Variants in ZNF548 observed in about 807,000 individuals in gnomAD.
ZNF548 encodes zinc finger protein 548.
A neutral mutation model predicts 10.2 loss-of-function variants in ZNF548; 10 were observed. The observed-to-expected ratio is 0.98, with a 90% CI of 0.60 to 1.66. The LOEUF (loss-of-function observed/expected upper bound fraction) is 1.66. Ranked by LOEUF, ZNF548 falls within the 40% of genes most tolerant of loss-of-function variation. The probability of loss-of-function intolerance (pLI) is 0.00; values close to 1 mark genes in which losing one functional copy is unlikely to be tolerated. For synonymous variants in ZNF548, 217 were observed against 223.5 expected, an observed-to-expected ratio of 0.97 and a Z score of 0.26; for missense variants, 599 against 657.0, an observed-to-expected ratio of 0.91 and a Z score of 0.97.
Position 57,389,921 on chromosome 19 carries a change from A to G in ZNF548, c.-179A>G, listed in dbSNP as rs367647219. The G allele has an allele frequency of 2.2e-5, 15 of 695,330 alleles. No homozygotes were observed. The highest frequency in any genetic ancestry group is 6.9e-5 in the South Asian group (3 of 43,776). 43.1% of individuals were successfully genotyped at this position (695,330 alleles called of 1,614,324 possible). A position where few individuals can be genotyped will look rare whatever the true frequency, so the allele number is the denominator to read the frequency against. ...TGTGGTGTTTCACCAACTTCGGCCT[A>G]TGGCTCTGTCTGACGTCACCGAAGT... On this transcript the variant is annotated 5_prime_UTR_variant, in exon 1 of 4. An upstream start codon of the reference 5' UTR is lost. Transcript: ENST00000336128.
rs545762109 is a variant in ZNF548 at position 57,400,378 on chromosome 19, T to C, written c.*489T>C. On this transcript the variant is annotated 3_prime_UTR_variant, in exon 4 of 4. Transcript: ENST00000336128. ...CTATTCAAGATTCTACTTTCAATTC[T>C]TATAGGGTATATACTCAGAAATGGT... The C allele has an allele frequency of 8.2e-5, 13 of 157,874 alleles. No homozygotes were observed. In the South Asian group the frequency reaches 2.2e-3, roughly 27 times the overall value. 9.8% of individuals were successfully genotyped at this position (157,874 alleles called of 1,614,324 possible). A position where few individuals can be genotyped will look rare whatever the true frequency, so the allele number is the denominator to read the frequency against.
At chr19:57,390,145 G>T (rs1469425369) in intron 1 of ZNF548, 31 bp downstream of exon 1, 2 of 1,604,816 alleles carry the variant, frequency 1.2e-6, no homozygotes, top group East Asian at 4.5e-5. Context: ...TCCCCCGCCC[G>T]ACCGGTCCTC....
At position 57,400,455 on chromosome 19, in the gene ZNF548, CAG is replaced by C. The variant is rs1377449770; in HGVS notation, c.*569_*570del. On this transcript the variant is annotated 3_prime_UTR_variant, in exon 4 of 4. Coordinates refer to ENST00000336128, the MANE Select transcript of ZNF548 (RefSeq NM_001172773.2). ...TTTTTTTTTTTGTTTGTTTTTGAGA[CAG>C]AGTCTTGCTCTGTCACCCAGGCTGG... 6.6e-6 allele frequency: 1 copy of C among 152,196 alleles called. No homozygotes were observed. Among genetic ancestry groups the C allele is most frequent in the Non-Finnish European group, 1.5e-5 (1 of 68,484 alleles). 9.4% of individuals were successfully genotyped at this position (152,196 alleles called of 1,614,324 possible).
In ZNF548 at chr19:57,402,118, T is replaced by C. The variant is rs1314755356; in HGVS notation, c.*2229T>C. On this transcript the variant is annotated 3_prime_UTR_variant, in exon 4 of 4. Transcript: ENST00000336128. ...AAGGCAAAAGTCCACTTTATGTGGC[T>C]ATCCAGTTTTCCAAGCACCATTTTT... The C allele has an allele frequency of 1.3e-5, 2 of 152,244 alleles. No homozygotes were observed. Among genetic ancestry groups the C allele is most frequent in the Non-Finnish European group, 2.9e-5 (2 of 68,052 alleles). The allele number at this position is 152,244 out of a possible 1,614,324, so 9.4% of individuals were successfully genotyped here.
At position 57,399,115 on chromosome 19, in the gene ZNF548, TGGAGAA is replaced by T; in HGVS notation, c.865_870del (p.Gly289_Glu290del). ...TCATGAGACATAAGCGAGTTCACAC[TGGAGAA>T]AGGCCTTATGAGTGCAACACATGTG... On this transcript the variant is annotated inframe_deletion, in exon 4 of 4. Transcript: ENST00000336128. The surrounding 1 kb of genome is among the most constrained non-coding windows in gnomAD (Gnocchi z 4.0). 6.2e-7 allele frequency: 1 copy of T among 1,614,178 alleles called. No individual in the cohort carries two copies. Among genetic ancestry groups the T allele is most frequent in the Non-Finnish European group, 8.5e-7 (1 of 1,180,024 alleles).
At position 57,395,161 on chromosome 19, in the gene ZNF548, G is replaced by C. The variant is rs2088655989; in HGVS notation, c.51+938G>C. On this transcript the variant is annotated intron_variant, in intron 2 of 3. Transcript: ENST00000336128. The surrounding 1 kb of genome is among the most constrained non-coding windows in gnomAD (Gnocchi z 4.8). Reference sequence around the variant, plus strand: ...AGAATTGGAATGGGGCATGAGAACTGGGTCTCTTACTGGGTAGCTGTGCAG... The same window carrying C: ...AGAATTGGAATGGGGCATGAGAACTCGGTCTCTTACTGGGTAGCTGTGCAG... Among the ~76,000 whole-genome samples the C allele has an allele frequency of 6.6e-6, 1 of 151,916 alleles. No individual in the cohort carries two copies. Among genetic ancestry groups the C allele is most frequent in the Non-Finnish European group, 1.5e-5 (1 of 68,012 alleles).
At chr19:57,390,196 C>T (rs2088613098) in intron 1 of ZNF548, 82 bp downstream of exon 1, 2 of 1,506,122 alleles carry the variant, frequency 1.3e-6, no homozygotes, top group African/African-American at 1.4e-5. Flanking sequence ...CAGGTCAGGC[C>T]CCTTGTCCCG....
At chr19:57,397,772 C>T (rs920856118) in intron 3 of ZNF548, among the ~76,000 whole-genome samples, 34 of 152,098 alleles carry the variant, frequency 2.2e-4, no homozygotes, top group African/African-American at 7.5e-4. Flanking sequence ...GGGACATGGC[C>T]CTGGTGCCTG....
intron 1 of ZNF548, chr19:57,390,366 T>C: frequency 2.5e-6 from 1 of 406,188 alleles, no homozygotes; most frequent in Non-Finnish European, 4.4e-6. Context: ...AGAGAGGGTT[T>C]TGTGAATTCT....
At chr19:57,390,336 G>T in intron 1 of ZNF548, 1 of 433,758 alleles carries the variant, frequency 2.3e-6, no homozygotes, top group Non-Finnish European at 4.1e-6. Flanking sequence ...CGTCAGGGGT[G>T]TGTGTTGTTT....
rs997743933 is a variant in ZNF548, at chr19:57,399,343, C to G, written c.1092C>G (p.Leu364=). The part of the protein sequence containing the change: ...CGKFFRYIST[L]IRHQRIHTGE... ...AATTTTTTAGGTATATCTCCACACT[C>G]ATTAGACATCAGAGAATTCACACTG... Residue 364 remains leucine, a synonymous_variant, in exon 4 of 4, where the codon CTC becomes CTG. Transcript: ENST00000336128. The surrounding 1 kb of genome is among the most constrained non-coding windows in gnomAD (Gnocchi z 4.0). 3.7e-6 allele frequency: 6 copies of G among 1,614,074 alleles called. No individual in the cohort carries two copies. The highest frequency in any genetic ancestry group is 5.1e-6 in the Non-Finnish European group (6 of 1,179,974).
At chr19:57,398,286 GACCC>G in intron 3 of ZNF548, 140 bp from the exon 4 acceptor site, 115 of 1,483,502 alleles carry the variant, frequency 7.8e-5, no homozygotes, top group Middle Eastern at 2.5e-4. Flanking sequence ...CTGCATAGTG[GACCC>G]TCCTCTCACT....
chr19:57,394,286 G>A, intron 2 of ZNF548, 63 bp downstream of exon 2: 1 of 1,518,578 alleles, frequency 6.6e-7, no homozygotes, highest in South Asian at 1.2e-5. Flanking sequence ...TTTGGCAGGT[G>A]ACAAAACCTC....
rs71186258 is a variant in ZNF548, at chr19:57,391,789, G to GTTTTTTTTT, written c.15+1689_15+1697dup. Among the ~76,000 whole-genome samples, 17 of 93,574 alleles carry GTTTTTTTTT rather than the reference G, an allele frequency of 1.8e-4. 3 individuals carry two copies. Among genetic ancestry groups the GTTTTTTTTT allele is most frequent in the Non-Finnish European group, 2.0e-4 (10 of 49,858 alleles). The allele number at this position is 93,574 out of a possible 152,430, so 61.4% of individuals were successfully genotyped here. A position where few individuals can be genotyped will look rare whatever the true frequency, so the allele number is the denominator to read the frequency against. On this transcript the variant is annotated intron_variant, in intron 1 of 3. Transcript: ENST00000336128. ...GAAAAATGTCTGCCCTGTGCTTACT[G>GTTTTTTTTT]TTTTTTTTTTTTTTTTTTTTTTGAA...
intron 1 of ZNF548, 94 bp from the exon 2 acceptor site, chr19:57,394,094 T>G: frequency 7.5e-7 from 1 of 1,329,172 alleles, no homozygotes; most frequent in Non-Finnish European, 1.0e-6. Flanking sequence ...GAGATCAGTT[T>G]GCTCCCAGGC....
intron 2 of ZNF548, 27 bp downstream of exon 2, chr19:57,394,250 C>T (rs1387812420): frequency 1.3e-6 from 2 of 1,597,368 alleles, no homozygotes; most frequent in East Asian, 2.2e-5. Context: ...CTACTATTCA[C>T]CCACCCTGGT....
In ZNF548 at chr19:57,397,347, TC is replaced by T. The variant is rs2088674450; in HGVS notation, c.178+175del. On this transcript the variant is annotated intron_variant, in intron 3 of 3. Coordinates refer to ENST00000336128, the MANE Select transcript of ZNF548 (RefSeq NM_001172773.2). ...GGCCGTGTGTTTTATACCCCCTTTT[TC>T]CTAGCATCCCCATCCCTGCTGCTCT... 4.1e-6 allele frequency: 4 copies of T among 981,684 alleles called. No homozygotes were observed. In the South Asian group the frequency reaches 8.4e-5, roughly 21 times the overall value. 60.8% of individuals were successfully genotyped at this position (981,684 alleles called of 1,614,324 possible).
At chr19:57,391,404 C>T (rs1322027518) in intron 1 of ZNF548, among the ~76,000 whole-genome samples, 2 of 151,180 alleles carry the variant, frequency 1.3e-5, no homozygotes, top group Non-Finnish European at 2.9e-5. Context: ...CCTATCTTTG[C>T]TATTGTGAAT....
intron 1 of ZNF548, among the ~76,000 whole-genome samples, chr19:57,391,876 C>T (rs1171529272): frequency 6.7e-6 from 1 of 149,302 alleles, no homozygotes; most frequent in African/African-American, 2.5e-5. Context: ...TCACTGCAAC[C>T]TCCACCTCCC....
Sources: gnomAD v4.1 joint callset for allele counts (sites outside exome capture counted in the v4.1 genomes callset) on GRCh38, gnomAD v4.1.1 for gene constraint, Gnocchi (gnomAD v3.1) non-coding constraint, MANE v1.5 for transcripts, NCBI Gene and HGNC (gene_info 2026-07-23, HGNC 2026-07-21) for gene names.